IQCM: variants seen among roughly 807,000 people sequenced by gnomAD.
The protein encoded by IQCM is IQ domain-containing protein M.
IQCM carries 45 observed loss-of-function variants against 57.6 expected under a neutral mutation model. That is an observed-to-expected ratio of 0.78 (90% CI 0.62 to 1.00). IQCM has a LOEUF of 1.00. IQCM is among the 50% of genes least tolerant of loss of function. The pLI, the probability that IQCM is intolerant of heterozygous loss-of-function variation, is 0.00. For synonymous variants in IQCM, 148 were observed against 158.9 expected, an observed-to-expected ratio of 0.93 and a Z score of 0.51; for missense variants, 468 against 511.6, an observed-to-expected ratio of 0.91 and a Z score of 0.82.
chr4:149,396,531 A>G (rs2111109307), intron 13 of IQCM, among the ~76,000 whole-genome samples: 1 of 152,140 alleles, frequency 6.6e-6, no homozygotes, highest in South Asian at 2.1e-4. Flanking sequence ...GCATATCAGT[A>G]TAGAGTAGGT....
rs550294649 is a variant in IQCM, at chr4:149,503,358, G to A, written c.1228+45097C>T. 8.7e-4 allele frequency among the ~76,000 whole-genome samples: 132 copies of A among 151,964 alleles called. 1 individual carries two copies. The highest frequency in any genetic ancestry group is 1.7e-3 in the Non-Finnish European group (116 of 68,002). On this transcript the variant is annotated intron_variant, in intron 12 of 13. Transcript: ENST00000636793. ...AAAATTAGTGCAGAAAATAACACAC[G>A]GCTATACATAGCAGTGATATTTTTA...
chr4:149,802,768 T>C (rs1198982738), intron 2 of IQCM, among the ~76,000 whole-genome samples: 3 of 152,028 alleles, frequency 2.0e-5, no homozygotes, highest in African/African-American at 7.2e-5. Context: ...AAAGAGACTT[T>C]TAAAAATTCT....
rs140714938 is a variant in IQCM, at chr4:149,773,633, A to G, written c.-48-30894T>C. ...AACTGTAAGATAAAGCTGATGTTCC[A>G]TCATTTAATAGCCAGTTAGTGATTC... On this transcript the variant is annotated intron_variant, in intron 2 of 13. Transcript: ENST00000636793. Among the ~76,000 whole-genome samples the G allele has an allele frequency of 9.1e-3, 1,393 of 152,304 alleles. 7 individuals carry two copies. Among genetic ancestry groups the G allele is most frequent in the Non-Finnish European group, 0.015 (995 of 68,016 alleles).
intron 12 of IQCM, among the ~76,000 whole-genome samples, chr4:149,490,313 A>G (rs187125532): frequency 2.6e-5 from 4 of 152,204 alleles, no homozygotes; most frequent in Non-Finnish European, 5.9e-5. Context: ...TTAAACATTG[A>G]AAACAATGAT....
intron 8 of IQCM, among the ~76,000 whole-genome samples, chr4:149,595,970 A>G (rs72726144): frequency 0.012 from 1,880 of 152,306 alleles, 20 homozygotes; most frequent in Non-Finnish European, 0.02. Context: ...GCCATTCAAC[A>G]TTCAGATTAG....
intron 7 of IQCM, among the ~76,000 whole-genome samples, chr4:149,626,754 T>C (rs771245800): frequency 4.0e-5 from 6 of 151,898 alleles, no homozygotes; most frequent in Non-Finnish European, 7.4e-5. Context: ...AAGATGAAAA[T>C]CTCAAGATCA....
chr4:149,374,644 A>G (rs993458533), intron 13 of IQCM, among the ~76,000 whole-genome samples: 2 of 152,172 alleles, frequency 1.3e-5, no homozygotes, highest in Non-Finnish European at 2.9e-5. Flanking sequence ...TAAGACACTT[A>G]AAATAATAAT....
At chr4:149,769,772 G>C (rs549930024) in intron 2 of IQCM, among the ~76,000 whole-genome samples, 10 of 150,920 alleles carry the variant, frequency 6.6e-5, no homozygotes, top group African/African-American at 2.2e-4. Flanking sequence ...TAATAACAGA[G>C]CTTGAAACTA....
At chr4:149,412,594 T>C (rs1733468914) in intron 13 of IQCM, among the ~76,000 whole-genome samples, 2 of 152,174 alleles carry the variant, frequency 1.3e-5, no homozygotes, top group Non-Finnish European at 2.9e-5. Context: ...TGTGAGGTGC[T>C]GTAGATAGAA....
intron 13 of IQCM, among the ~76,000 whole-genome samples, chr4:149,401,532 C>G (rs1301845264): frequency 6.6e-6 from 1 of 151,614 alleles, no homozygotes; most frequent in Non-Finnish European, 1.5e-5. Context: ...GTTTTTTAAT[C>G]AATATTTATG....
intron 12 of IQCM, among the ~76,000 whole-genome samples, chr4:149,475,582 T>C (rs1740097658): frequency 6.6e-6 from 1 of 151,334 alleles, no homozygotes; most frequent in Admixed American, 6.6e-5. Context: ...GCAGTAGAAA[T>C]AGAGAAAGAG....
chr4:149,547,729 AT>A, intron 12 of IQCM, among the ~76,000 whole-genome samples: 1 of 152,310 alleles, frequency 6.6e-6, no homozygotes, highest in Admixed American at 6.5e-5. Context: ...TGTAGTAGTC[AT>A]TACACAATGC....
At chr4:149,721,058 G>C in intron 5 of IQCM, among the ~76,000 whole-genome samples, 1 of 152,034 alleles carries the variant, frequency 6.6e-6, no homozygotes, top group Non-Finnish European at 1.5e-5. Context: ...ATGTATAATC[G>C]GTCATCTGTT....
chr4:149,765,206 C>T (rs1769925886), intron 2 of IQCM, among the ~76,000 whole-genome samples: 2 of 152,022 alleles, frequency 1.3e-5, no homozygotes, highest in Non-Finnish European at 2.9e-5. Context: ...AACCAAAAAA[C>T]AAGGTCAGAG....
At chr4:149,415,190 AT>A (rs2111191386) in intron 13 of IQCM, among the ~76,000 whole-genome samples, 1 of 152,292 alleles carries the variant, frequency 6.6e-6, no homozygotes, top group Non-Finnish European at 1.5e-5. Context: ...AGCCTTGAAC[AT>A]TTGAAGTTTT....
chr4:149,731,333 A>T (rs1457895902), intron 5 of IQCM, among the ~76,000 whole-genome samples: 1 of 152,152 alleles, frequency 6.6e-6, no homozygotes, highest in East Asian at 1.9e-4. Flanking sequence ...CTTTTGTCCC[A>T]TCGAGAGGAC....
intron 2 of IQCM, among the ~76,000 whole-genome samples, chr4:149,751,278 C>T (rs1039722285): frequency 1.3e-5 from 2 of 152,140 alleles, no homozygotes; most frequent in African/African-American, 4.8e-5. Flanking sequence ...CTCCGTGAAT[C>T]TCCCCTCCGT....
At chr4:149,431,793 T>C (rs1176665682) in intron 13 of IQCM, among the ~76,000 whole-genome samples, 1 of 152,006 alleles carries the variant, frequency 6.6e-6, no homozygotes, top group Admixed American at 6.6e-5. Flanking sequence ...AATTCATCCA[T>C]GTTGTGTACA....
chr4:149,578,351 C>T (rs1050884883), intron 9 of IQCM, among the ~76,000 whole-genome samples: 17 of 151,604 alleles, frequency 1.1e-4, no homozygotes, highest in East Asian at 3.9e-4. Flanking sequence ...ACATGTTTTA[C>T]CGGTAGGATA....
Sources: allele counts gnomAD v4.1 joint callset (sites outside exome capture counted in the v4.1 genomes callset), GRCh38; gene constraint gnomAD v4.1.1; transcripts MANE v1.5; gene names NCBI Gene and HGNC (gene_info 2026-07-23, HGNC 2026-07-21).